The following KATNA1 variants were observed in gnomAD, a reference collection of about 807,000 sequenced individuals.
KATNA1 encodes katanin p60 ATPase-containing subunit A1.
Under a neutral mutation model 62.6 loss-of-function variants are expected in KATNA1, and 42 were observed. That is an observed-to-expected ratio of 0.67 (90% CI 0.52 to 0.87). The LOEUF (loss-of-function observed/expected upper bound fraction) is 0.87, where lower values mean the gene tolerates loss of function less well. Ranked by LOEUF, KATNA1 falls within the 40% of genes least tolerant of loss-of-function variation. The pLI is 0.00. For synonymous variants in KATNA1, 186 were observed against 201.9 expected, an observed-to-expected ratio of 0.92 and a Z score of 0.67; for missense variants, 498 against 612.5, an observed-to-expected ratio of 0.81 and a Z score of 1.97.
rs1217719467 is a variant in KATNA1, at chr6:149,638,730, GTTTTTTTTTT to G, written c.-13-180_-13-171del. 39 of 99,834 alleles carry G rather than the reference GTTTTTTTTTT, an allele frequency of 3.9e-4. 1 individual carries two copies. The highest frequency in any genetic ancestry group is 3.4e-3 in the South Asian group (21 of 6,154). The allele number at this position is 99,834 out of a possible 1,614,324, so 6.2% of individuals were successfully genotyped here. ...ATTTCACTCCTTTAAAAAAAACATT[GTTTTTTTTTT>G]TTTTTTTTTTTTTTGAGACGGAGTC... On this transcript the variant is annotated intron_variant, in intron 1 of 10. Transcript: ENST00000367411.
chr6:149,641,696 G>C (rs1401129945), intron 1 of KATNA1, among the ~76,000 whole-genome samples: 2 of 151,990 alleles, frequency 1.3e-5, no homozygotes, highest in African/African-American at 4.8e-5. Context: ...GATCAAGAAG[G>C]GTTTATCCCA....
intron 4 of KATNA1, among the ~76,000 whole-genome samples, chr6:149,614,861 C>T (rs1447010309): frequency 1.3e-5 from 2 of 152,162 alleles, no homozygotes; most frequent in South Asian, 2.1e-4. Context: ...AATGGCCTAG[C>T]GCAGTGGCTC....
At chr6:149,596,377 A>G (rs1778310691) in intron 10 of KATNA1, among the ~76,000 whole-genome samples, 1 of 152,178 alleles carries the variant, frequency 6.6e-6, no homozygotes, top group African/African-American at 2.4e-5. Flanking sequence ...TCTACTAAAA[A>G]TACAAAAATT....
At chr6:149,616,481 C>G (rs1284164816) in intron 4 of KATNA1, among the ~76,000 whole-genome samples, 1 of 152,130 alleles carries the variant, frequency 6.6e-6, no homozygotes, top group Admixed American at 6.6e-5. Context: ...AAAATGAGGC[C>G]GGATGCAGTG....
At chr6:149,599,564 C>T (rs1294470570) in intron 7 of KATNA1, among the ~76,000 whole-genome samples, 4 of 145,590 alleles carry the variant, frequency 2.7e-5, no homozygotes, top group Non-Finnish European at 6.2e-5. Context: ...TTTCTTTCCT[C>T]CCCTCTCCCC....
chr6:149,637,913 T>C (rs1246516815), intron 2 of KATNA1, among the ~76,000 whole-genome samples: 3 of 152,304 alleles, frequency 2.0e-5, no homozygotes, highest in Admixed American at 6.5e-5. Context: ...TTATTATTCA[T>C]ATAATAAAGT....
At chr6:149,618,494 A>T (rs1779268839) in intron 4 of KATNA1, among the ~76,000 whole-genome samples, 1 of 152,148 alleles carries the variant, frequency 6.6e-6, no homozygotes, top group Non-Finnish European at 1.5e-5. Context: ...AAAATAAAAA[A>T]AAGAAATAGA....
At chr6:149,647,160 A>T (rs1447104067) in intron 1 of KATNA1, among the ~76,000 whole-genome samples, 6 of 151,082 alleles carry the variant, frequency 4.0e-5, no homozygotes, top group African/African-American at 1.2e-4. Context: ...TTTTTTTTTT[A>T]AAGGTATTTA....
chr6:149,633,447 T>C (rs1456012950), intron 2 of KATNA1, among the ~76,000 whole-genome samples: 2 of 151,962 alleles, frequency 1.3e-5, no homozygotes, highest in Non-Finnish European at 2.9e-5. Context: ...AATTAAAACA[T>C]CCAGGATAGG....
intron 3 of KATNA1, among the ~76,000 whole-genome samples, chr6:149,629,633 T>G (rs907635436): frequency 3.9e-5 from 6 of 152,214 alleles, no homozygotes; most frequent in Admixed American, 2.6e-4. Context: ...ACTCATCTAT[T>G]AGTTCTACTT....
chr6:149,621,774 T>G (rs188499836), intron 4 of KATNA1, among the ~76,000 whole-genome samples: 9 of 151,678 alleles, frequency 5.9e-5, no homozygotes, highest in African/African-American at 1.7e-4. Flanking sequence ...ATTACAGGCA[T>G]GAGCCACCAT....
At chr6:149,615,524 A>G (rs1411719424) in intron 4 of KATNA1, among the ~76,000 whole-genome samples, 1 of 152,114 alleles carries the variant, frequency 6.6e-6, no homozygotes, top group Admixed American at 6.6e-5. Context: ...AAAATTAAGG[A>G]AAAAGACAGA....
intron 3 of KATNA1, among the ~76,000 whole-genome samples, chr6:149,625,363 G>A (rs1486425538): frequency 1.3e-5 from 2 of 152,140 alleles, no homozygotes; most frequent in Non-Finnish European, 2.9e-5. Context: ...GGCCGGGCAC[G>A]GTGGCTCACA....
chr6:149,639,368 A>C (rs1780197471), intron 1 of KATNA1, among the ~76,000 whole-genome samples: 1 of 151,724 alleles, frequency 6.6e-6, no homozygotes, highest in Non-Finnish European at 1.5e-5. Flanking sequence ...TGGGAGGCTG[A>C]GGTGGGTGGA....
At chr6:149,601,006 C>CT (rs1185550372) in intron 7 of KATNA1, among the ~76,000 whole-genome samples, 1 of 152,176 alleles carries the variant, frequency 6.6e-6, no homozygotes, top group African/African-American at 2.4e-5. Flanking sequence ...TAAAACTACT[C>CT]TGTTTCTTAG....
intron 4 of KATNA1, among the ~76,000 whole-genome samples, chr6:149,609,814 A>AAAAAAAAAAAAAAC (rs1562284874): frequency 7.1e-6 from 1 of 141,556 alleles, no homozygotes; most frequent in African/African-American, 2.8e-5. Flanking sequence ...AAAAAAAAAA[A>AAAAAAAAAAAAAAC]AATAGGCCAG....
Position 149,632,872 on chromosome 6 carries a change from G to T in KATNA1, c.207C>A (p.Ile69=). ...INVEAKHVKD[I]MKTLESFKLD... ...GTTTAAAGCTCTCTAGTGTTTTCAT[G>T]ATATCTTTAACATGTTTAGCTTCCA... Residue 69 remains isoleucine (I), a synonymous_variant, in exon 3 of 11, where the codon ATC becomes ATA. Coordinates refer to ENST00000367411, the MANE Select transcript of KATNA1 (RefSeq NM_007044.4). The T allele has an allele frequency of 1.2e-6, 2 of 1,612,152 alleles. No individual in the cohort carries two copies. Among genetic ancestry groups the T allele is most frequent in the Non-Finnish European group, 1.7e-6 (2 of 1,179,376 alleles).
intron 3 of KATNA1, among the ~76,000 whole-genome samples, chr6:149,623,652 C>T (rs1779496710): frequency 1.3e-5 from 2 of 152,080 alleles, no homozygotes; most frequent in South Asian, 2.1e-4. Flanking sequence ...GCAGGACAAT[C>T]GTTTGAACCT....
chr6:149,615,250 CTGGGGG>C (rs1271615554), intron 4 of KATNA1, among the ~76,000 whole-genome samples: 1 of 146,040 alleles, frequency 6.8e-6, no homozygotes, highest in Non-Finnish European at 1.5e-5. Flanking sequence ...GTCGTCCAGG[CTGGGGG>C]TGCAATGGTG....
Sources: allele counts gnomAD v4.1 joint callset (sites outside exome capture counted in the v4.1 genomes callset), GRCh38; gene constraint gnomAD v4.1.1; transcripts MANE v1.5; gene names NCBI Gene and HGNC (gene_info 2026-07-23, HGNC 2026-07-21).